Variants in GRID2 observed in about 807,000 individuals in gnomAD.
GRID2 encodes glutamate ionotropic receptor delta type subunit 2.
A neutral mutation model predicts 114.8 loss-of-function variants in GRID2; 33 were observed. That is an observed-to-expected ratio of 0.29 (90% CI 0.22 to 0.38). The LOEUF (loss-of-function observed/expected upper bound fraction) is 0.38, where lower values mean the gene tolerates loss of function less well. GRID2 is among the 10% of genes least tolerant of loss of function. The pLI is 1.00. For synonymous variants in GRID2, 505 were observed against 449.9 expected, an observed-to-expected ratio of 1.12 and a Z score of -1.55; for missense variants, 1,184 against 1,257.7, an observed-to-expected ratio of 0.94 and a Z score of 0.89.
Position 93,216,925 on chromosome 4 carries a change from G to T in GRID2, c.963+14G>T. ...CAGAATATGGAGGTATATTATAAAT[G>T]ACAGGATATTTCTTCCAGGGTGCTT... On this transcript the variant is annotated intron_variant, in intron 6 of 15. Coordinates refer to ENST00000282020, the MANE Select transcript of GRID2 (RefSeq NM_001510.4). The T allele has an allele frequency of 1.9e-6, 3 of 1,582,100 alleles. No individual in the cohort carries two copies. The highest frequency in any genetic ancestry group is 2.6e-6 in the Non-Finnish European group (3 of 1,152,110).
In GRID2 at chr4:93,626,293, G is replaced by T. The variant is rs150846341; in HGVS notation, c.2218G>T (p.Val740Leu). Reference sequence around the variant, plus strand: ...GGTAAAATATGGAAATTATGCTTTCGTATGGGATGCAGCTGTATTGGAATA... The same window carrying T: ...GGTAAAATATGGAAATTATGCTTTCTTATGGGATGCAGCTGTATTGGAATA... ...QKVKYGNYAFVWDAAVLEYVA... is the reference protein window; with the variant it reads ...QKVKYGNYAFLWDAAVLEYVA... The change falls in exon 14 of 16, where the codon GTA (valine) becomes TTA (leucine). Residue 740 changes from valine (V) to leucine (L), a missense_variant. Physicochemically the swap from Val to Leu is conservative, Grantham distance 32. Around this residue, in one of 3 missense-constraint regions of GRID2, gnomAD observed 717 missense variants for 796.9 expected, o/e 0.90. Coordinates refer to ENST00000282020, the MANE Select transcript of GRID2 (RefSeq NM_001510.4). 2.5e-6 allele frequency: 4 copies of T among 1,593,770 alleles called. No individual in the cohort carries two copies. In the South Asian group the frequency reaches 4.5e-5, roughly 18 times the overall value.
intron 13 of GRID2, among the ~76,000 whole-genome samples, chr4:93,542,532 C>T (rs1732754833): frequency 6.6e-6 from 1 of 152,068 alleles, no homozygotes; most frequent in Non-Finnish European, 1.5e-5. Context: ...TGCCTTTTTT[C>T]ACTGGAAGTA....
intron 2 of GRID2, among the ~76,000 whole-genome samples, chr4:92,736,002 T>C (rs1736581073): frequency 6.6e-6 from 1 of 152,076 alleles, no homozygotes; most frequent in Non-Finnish European, 1.5e-5. Context: ...CCCCCAAAGA[T>C]ACCCACTTTC....
intron 2 of GRID2, among the ~76,000 whole-genome samples, chr4:93,055,247 C>T (rs1048345760): frequency 1.3e-5 from 2 of 151,508 alleles, no homozygotes; most frequent in African/African-American, 4.8e-5. Context: ...AATCATGAGA[C>T]CTTACTGCAC....
intron 14 of GRID2, among the ~76,000 whole-genome samples, chr4:93,740,373 G>C (rs954258099): frequency 6.6e-6 from 1 of 152,086 alleles, no homozygotes; most frequent in African/African-American, 2.4e-5. Context: ...GCAACCTCAC[G>C]TTCCAATAAG....
chr4:93,116,040 T>C (rs1189557599), intron 4 of GRID2, among the ~76,000 whole-genome samples: 1 of 152,160 alleles, frequency 6.6e-6, no homozygotes, highest in Non-Finnish European at 1.5e-5. Context: ...ACCTACCTTT[T>C]CTTATATAAT....
At chr4:93,440,755 GT>G (rs1439789280) in intron 10 of GRID2, among the ~76,000 whole-genome samples, 2 of 152,098 alleles carry the variant, frequency 1.3e-5, no homozygotes, top group African/African-American at 4.8e-5. Context: ...AAATGACTTA[GT>G]GAATGGCTGT....
chr4:92,515,827 T>G (rs1180181611), intron 1 of GRID2, among the ~76,000 whole-genome samples: 1 of 151,988 alleles, frequency 6.6e-6, no homozygotes, highest in Non-Finnish European at 1.5e-5. Flanking sequence ...CGATGTTACC[T>G]ACATTTTGTG....
intron 9 of GRID2, among the ~76,000 whole-genome samples, chr4:93,414,094 A>G (rs945080262): frequency 3.3e-5 from 5 of 152,158 alleles, no homozygotes; most frequent in African/African-American, 9.6e-5. Flanking sequence ...ATCACTTCTC[A>G]CTAAGTTCTT....
intron 8 of GRID2, among the ~76,000 whole-genome samples, chr4:93,382,389 A>G (rs868207798): frequency 6.6e-6 from 1 of 151,946 alleles, no homozygotes; most frequent in Non-Finnish European, 1.5e-5. Flanking sequence ...ATGGTGTACC[A>G]ATGGTTCCTT....
At chr4:93,437,324 T>C (rs113733986) in intron 10 of GRID2, among the ~76,000 whole-genome samples, 30 of 152,252 alleles carry the variant, frequency 2.0e-4, no homozygotes, top group African/African-American at 7.2e-4. Flanking sequence ...GAATTAATTA[T>C]TCAAATTCAG....
At chr4:92,333,663 T>G (rs1727013482) in intron 1 of GRID2, among the ~76,000 whole-genome samples, 1 of 152,190 alleles carries the variant, frequency 6.6e-6, no homozygotes, top group Non-Finnish European at 1.5e-5. Context: ...CTATACATGG[T>G]TAAAACTAGA....
chr4:93,128,628 A>C (rs1263378881), intron 4 of GRID2, among the ~76,000 whole-genome samples: 1 of 152,168 alleles, frequency 6.6e-6, no homozygotes, highest in Non-Finnish European at 1.5e-5. Flanking sequence ...TCATTGCTAA[A>C]CTGTCCTAAT....
chr4:92,439,900 C>A (rs892935285), intron 1 of GRID2, among the ~76,000 whole-genome samples: 2 of 145,624 alleles, frequency 1.4e-5, no homozygotes, highest in Non-Finnish European at 3.1e-5. Flanking sequence ...GCAGTGTAAA[C>A]AAGAGCAGGG....
intron 1 of GRID2, among the ~76,000 whole-genome samples, chr4:92,522,921 G>A (rs985036222): frequency 6.6e-6 from 1 of 151,966 alleles, no homozygotes; most frequent in Non-Finnish European, 1.5e-5. Context: ...TTAAGCAGTG[G>A]AAAGCCTCTG....
chr4:93,250,899 G>A (rs1286927315), intron 8 of GRID2, among the ~76,000 whole-genome samples: 6 of 151,806 alleles, frequency 4.0e-5, no homozygotes, highest in African/African-American at 1.2e-4. Flanking sequence ...ATGGTTGTGA[G>A]TGGATAGTCT....
chr4:92,603,772 T>G (rs2149221618), intron 2 of GRID2, among the ~76,000 whole-genome samples: 1 of 151,788 alleles, frequency 6.6e-6, no homozygotes, highest in East Asian at 2.0e-4. Context: ...GAGAAAATTT[T>G]CACAATCTAT....
At chr4:93,588,809 T>A (rs771644438) in intron 13 of GRID2, among the ~76,000 whole-genome samples, 2 of 152,170 alleles carry the variant, frequency 1.3e-5, no homozygotes, top group Non-Finnish European at 2.9e-5. Context: ...ATTTGTAATG[T>A]GGATTTTTTT....
At chr4:93,129,346 G>GT (rs202131242) in intron 4 of GRID2, among the ~76,000 whole-genome samples, 1,542 of 151,764 alleles carry the variant, frequency 0.01, 30 homozygotes, top group African/African-American at 0.035. Flanking sequence ...TTGAAATACT[G>GT]TTTTTTTTGT....
Sources: allele counts gnomAD v4.1 joint callset (sites outside exome capture counted in the v4.1 genomes callset), GRCh38; gene constraint gnomAD v4.1.1; regional missense constraint gnomAD v4.1.1; transcripts MANE v1.5; gene names NCBI Gene and HGNC (gene_info 2026-07-23, HGNC 2026-07-21).